Variants in LASP1 observed in about 807,000 individuals in gnomAD.
LASP1 encodes LIM and SH3 domain protein 1.
In LASP1, 10 loss-of-function variants were observed where a neutral mutation model predicts 38.6. That is an observed-to-expected ratio of 0.26 (90% CI 0.16 to 0.44). LASP1 has a LOEUF of 0.44. Ranked by LOEUF, LASP1 falls within the 20% of genes least tolerant of loss-of-function variation. The pLI, the probability that LASP1 is intolerant of heterozygous loss-of-function variation, is 1.00. For missense variants in LASP1, 243 were observed against 375.7 expected (o/e 0.65, Z 2.92); for synonymous variants, 132 against 140.8 (o/e 0.94, Z 0.44).
At chr17:38,914,930 T>C (rs1231572777) in intron 5 of LASP1, 113 bp from the exon 6 acceptor site, 3 of 919,808 alleles carry the variant, frequency 3.3e-6, no homozygotes, top group Non-Finnish European at 5.2e-6. Context: ...GCTGTGGGGC[T>C]TGAGCCAGGT....
At chr17:38,870,662 G>T (rs1290726393) in intron 1 of LASP1, among the ~76,000 whole-genome samples, 1 of 152,008 alleles carries the variant, frequency 6.6e-6, no homozygotes, top group Admixed American at 6.5e-5. Flanking sequence ...GAAGCGCGGG[G>T]CGCTGGTGGA....
At chr17:38,904,598 T>TA (rs58725693) in intron 4 of LASP1, 31,089 of 129,510 alleles carry the variant, frequency 0.24, 3,209 homozygotes, top group South Asian at 0.29. Flanking sequence ...GTCTCAAAAA[T>TA]AAAAAAAAAA....
rs530593526 is a variant in LASP1, at chr17:38,892,551, GACACACACACACACACAC to G, written c.249+2070_249+2087del. Reference sequence around the variant, plus strand: ...TGGGAGCAGATAGCAGGTCTTTGGAGACACACACACACACACACACACACACACACACACACACACCCT... The same window carrying G: ...TGGGAGCAGATAGCAGGTCTTTGGAGACACACACACACACACACACACCCT... On this transcript the variant is annotated intron_variant, in intron 3 of 6. Transcript: ENST00000318008. Among the ~76,000 whole-genome samples, 182 of 143,840 alleles carry G rather than the reference GACACACACACACACACAC, an allele frequency of 1.3e-3. 1 individual carries two copies. Among genetic ancestry groups the G allele is most frequent in the African/African-American group, 4.3e-3 (170 of 39,112 alleles). 94.4% of individuals were successfully genotyped at this position (143,840 alleles called of 152,430 possible). A position where few individuals can be genotyped will look rare whatever the true frequency, so the allele number is the denominator to read the frequency against.
chr17:38,884,883 G>C (rs1914069859), intron 2 of LASP1, among the ~76,000 whole-genome samples: 1 of 151,978 alleles, frequency 6.6e-6, no homozygotes, highest in Non-Finnish European at 1.5e-5. Context: ...TAGAGACAGG[G>C]TTTTGCCACG....
rs2143827433 is a variant in LASP1, at chr17:38,914,489, C to T, written c.508+14C>T. 1.3e-6 allele frequency: 2 copies of T among 1,583,264 alleles called. No homozygotes were observed. The highest frequency in any genetic ancestry group is 1.7e-6 in the Non-Finnish European group (2 of 1,164,796). On this transcript the variant is annotated intron_variant, in intron 5 of 6. Coordinates refer to ENST00000318008, the MANE Select transcript of LASP1 (RefSeq NM_006148.4). ...CCAGTGCCCCGGGTGAGTGCAGGTCCTGTTGGTGCAGATGACCTGAGGCGA... is the reference window on the plus strand; with the variant it reads ...CCAGTGCCCCGGGTGAGTGCAGGTCTTGTTGGTGCAGATGACCTGAGGCGA...
At chr17:38,877,002 G>T (rs1167330775) in intron 1 of LASP1, among the ~76,000 whole-genome samples, 4 of 152,150 alleles carry the variant, frequency 2.6e-5, no homozygotes, top group Non-Finnish European at 5.9e-5. Context: ...GTGCCCGGCC[G>T]TGTCCCACAT....
chr17:38,892,031 G>T (rs1473524025), intron 3 of LASP1, among the ~76,000 whole-genome samples: 1 of 152,198 alleles, frequency 6.6e-6, no homozygotes, highest in East Asian at 1.9e-4. Context: ...GGAGGCTGCA[G>T]TGAGCCATGA....
intron 1 of LASP1, among the ~76,000 whole-genome samples, chr17:38,874,341 A>T (rs570250406): frequency 7.3e-4 from 111 of 152,294 alleles, no homozygotes; most frequent in African/African-American, 2.5e-3. Flanking sequence ...TCCTCTGGAC[A>T]TATTTCCCTG....
At chr17:38,879,144 C>G (rs75356741) in intron 2 of LASP1, among the ~76,000 whole-genome samples, 4,540 of 137,738 alleles carry the variant, frequency 0.033, 90 homozygotes, top group South Asian at 0.083. Flanking sequence ...ATGATAATTT[C>G]TTTTTCTTTT....
In LASP1 at chr17:38,870,101, T is replaced by C; in HGVS notation, c.-89T>C. On this transcript the variant is annotated 5_prime_UTR_variant, in exon 1 of 7. Coordinates refer to ENST00000318008, the MANE Select transcript of LASP1 (RefSeq NM_006148.4). ...GCCGCCGTCGCTGCTGCCTGTGTAGTTGCAGCCGCGGCCGCCTCCCGCCAG... is the reference window on the plus strand; with the variant it reads ...GCCGCCGTCGCTGCTGCCTGTGTAGCTGCAGCCGCGGCCGCCTCCCGCCAG... 2 of 1,440,110 alleles carry C rather than the reference T, an allele frequency of 1.4e-6. No individual in the cohort carries two copies. The highest frequency in any genetic ancestry group is 1.4e-5 in the African/African-American group (1 of 71,450). 89.2% of individuals were successfully genotyped at this position (1,440,110 alleles called of 1,614,324 possible).
At chr17:38,878,564 C>T (rs1227735916) in intron 2 of LASP1, among the ~76,000 whole-genome samples, 1 of 152,114 alleles carries the variant, frequency 6.6e-6, no homozygotes, top group Non-Finnish European at 1.5e-5. Context: ...GAATGAGTGA[C>T]GTGTCTGTTG....
intron 6 of LASP1, chr17:38,915,390 G>T (rs950089646): frequency 2.4e-5 from 9 of 378,734 alleles, no homozygotes; most frequent in Non-Finnish European, 3.9e-5. Flanking sequence ...TTTGGGTGGG[G>T]TTTCCTTACC....
chr17:38,897,233 G>C (rs1312253328), intron 3 of LASP1, among the ~76,000 whole-genome samples: 1 of 152,222 alleles, frequency 6.6e-6, no homozygotes, highest in Non-Finnish European at 1.5e-5. Flanking sequence ...GACAAACAAG[G>C]ACTCTGACCC....
intron 2 of LASP1, among the ~76,000 whole-genome samples, chr17:38,889,529 C>T (rs1348749777): frequency 6.6e-6 from 1 of 152,166 alleles, no homozygotes; most frequent in Non-Finnish European, 1.5e-5. Flanking sequence ...CGTGATGCCA[C>T]AAGGGAAAAT....
intron 3 of LASP1, 61 bp from the exon 4 acceptor site, chr17:38,898,351 C>T (rs1395100106): frequency 7.7e-7 from 1 of 1,305,034 alleles, no homozygotes; most frequent in East Asian, 2.5e-5. Flanking sequence ...CAGAGGGGCC[C>T]CAAGCCGAGG....
rs555865733 is a variant in LASP1, at chr17:38,918,591, C to T, written c.613-14C>T. On this transcript the variant is annotated splice_polypyrimidine_tract_variant and intron_variant, in intron 6 of 6. Coordinates refer to ENST00000318008, the MANE Select transcript of LASP1 (RefSeq NM_006148.4). The surrounding 1 kb of genome is among the most constrained non-coding windows in gnomAD (Gnocchi z 4.4). ...GGCATGCAGGGCCCTAGGCTGACCA[C>T]ACTTCCCCCACAGAAGCGGTACCGC... 19 of 1,575,664 alleles carry T rather than the reference C, an allele frequency of 1.2e-5. No homozygotes were observed. The South Asian group carries it at 2.2e-4, about 18-fold the overall frequency.
chr17:38,904,007 CTTCTT>C (rs1252491347), intron 4 of LASP1: 4 of 152,148 alleles, frequency 2.6e-5, no homozygotes, highest in Admixed American at 6.5e-5. Flanking sequence ...ACTGGAGCCT[CTTCTT>C]TTATTTACTT....
chr17:38,870,840 C>G (rs1598100807), intron 1 of LASP1, among the ~76,000 whole-genome samples: 2 of 152,184 alleles, frequency 1.3e-5, no homozygotes, highest in African/African-American at 4.8e-5. Flanking sequence ...GCAAGAGCCC[C>G]GTTTTTGAAC....
At chr17:38,915,187 G>A (rs1915084404) in intron 6 of LASP1, 41 bp downstream of exon 6, 2 of 1,539,998 alleles carry the variant, frequency 1.3e-6, no homozygotes, top group Non-Finnish European at 1.8e-6. Context: ...AGAGGCAGGG[G>A]GTCCTTCGGG....
Sources: gnomAD v4.1 joint callset for allele counts (sites outside exome capture counted in the v4.1 genomes callset) on GRCh38, gnomAD v4.1.1 for gene constraint, Gnocchi (gnomAD v3.1) non-coding constraint, MANE v1.5 for transcripts, NCBI Gene and HGNC (gene_info 2026-07-23, HGNC 2026-07-21) for gene names.